USP16: variants seen among roughly 807,000 people sequenced by gnomAD.
The protein encoded by USP16 is ubiquitin carboxyl-terminal hydrolase 16.
Under a neutral mutation model 95.9 loss-of-function variants are expected in USP16, and 77 were observed. That is an observed-to-expected ratio of 0.80 (90% CI 0.67 to 0.97). The LOEUF is 0.97. USP16 is among the 50% of genes least tolerant of loss of function. The pLI is 0.00. For synonymous variants in USP16, 303 were observed against 318.2 expected, an observed-to-expected ratio of 0.95 and a Z score of 0.51; for missense variants, 943 against 959.9, an observed-to-expected ratio of 0.98 and a Z score of 0.23.
chr21:29,039,270 C>T (rs993978075), intron 8 of USP16, 114 bp downstream of exon 8: 4 of 1,167,634 alleles, frequency 3.4e-6, no homozygotes, highest in Admixed American at 3.8e-5. Context: ...AGTCAACCCT[C>T]TATATACAAA....
At position 29,053,840 on chromosome 21, in the gene USP16, A is replaced by G. The variant is rs1048445819; in HGVS notation, c.2232A>G (p.Leu744=). The G allele has an allele frequency of 8.7e-6, 14 of 1,613,858 alleles. No homozygotes were observed. In the African/African-American group the frequency reaches 1.2e-4, roughly 14 times the overall value. Residue 744 remains leucine, a synonymous_variant, in exon 17 of 18, where the codon TTA becomes TTG. Transcript: ENST00000399976. ...AEENTRVLYS[L]YGVVEHSGTM... is the part of the protein sequence containing the mutation. ...AAAATACAAGGGTACTCTATTCCTT[A>G]TATGGAGTTGTTGAACACAGTGGTA...
intron 9 of USP16, among the ~76,000 whole-genome samples, chr21:29,039,785 A>C (rs1403965942): frequency 6.6e-6 from 1 of 152,190 alleles, no homozygotes; most frequent in Non-Finnish European, 1.5e-5. Context: ...GCTTAAGTTT[A>C]GTTGATGTTT....
chr21:29,047,363 G>T (rs760357127), intron 14 of USP16, 42 bp downstream of exon 14: 6 of 1,561,060 alleles, frequency 3.8e-6, no homozygotes, highest in Admixed American at 1.9e-5. Context: ...AATATTCAGG[G>T]GCACATTTTG....
At chr21:29,053,527 A>G (rs530061576) in intron 16 of USP16, 20 of 323,444 alleles carry the variant, frequency 6.2e-5, no homozygotes, top group Admixed American at 5.8e-4. Context: ...GAAACTGGCA[A>G]GTTGAATTCA....
In USP16 at chr21:29,050,163, C is replaced by T; in HGVS notation, c.2178C>T (p.Cys726=). 1.2e-6 allele frequency: 2 copies of T among 1,613,286 alleles called. No individual in the cohort carries two copies. Among genetic ancestry groups the T allele is most frequent in the Non-Finnish European group, 1.7e-6 (2 of 1,179,874 alleles). ...AAATCTTAGATTTGGCTCCTTTTTG[C>T]ACCCTTAAATGTAAGGTAAGTCAAA... ...FPEILDLAPF[C]TLKCKNVAEE... The change falls in exon 16 of 18, where the codon TGC becomes TGT. Residue 726 remains cysteine (C), a synonymous_variant. Transcript: ENST00000399976.
chr21:29,050,644 G>GT (rs2085399436), intron 16 of USP16, among the ~76,000 whole-genome samples: 1 of 152,316 alleles, frequency 6.6e-6, no homozygotes, highest in Non-Finnish European at 1.5e-5. Flanking sequence ...AACAGCAGGA[G>GT]TAAAAACAGC....
Position 29,036,038 on chromosome 21 carries a change from C to T in USP16, c.345-233C>T, listed in dbSNP as rs570875896. Among the ~76,000 whole-genome samples, 4 of 152,206 alleles carry T rather than the reference C, an allele frequency of 2.6e-5. No homozygotes were observed. In the East Asian group the frequency reaches 5.8e-4, roughly 22 times the overall value. ...CAATGTTATAACCAGTAAAGTAAAA[C>T]GTTTGGAGTATTTCATCATACTACT... On this transcript the variant is annotated intron_variant, in intron 4 of 17. Transcript: ENST00000399976.
intron 3 of USP16, among the ~76,000 whole-genome samples, chr21:29,034,302 CT>C (rs575549987): frequency 0.2 from 26,952 of 136,234 alleles, 2,916 homozygotes; most frequent in African/African-American, 0.36. Context: ...GCATGGTTTT[CT>C]TTTTTTTTTT....
chr21:29,025,139 A>G (rs2084967590), intron 1 of USP16, among the ~76,000 whole-genome samples: 1 of 152,210 alleles, frequency 6.6e-6, no homozygotes, highest in South Asian at 2.1e-4. Flanking sequence ...CCGTGTTCAT[A>G]CGGCTGGTAG....
rs768595655 is a variant in USP16 at position 29,038,391 on chromosome 21, A to C, written c.693A>C (p.Gly231=). ...TACTAAAAGAAGTGAAAATGTCTGG[A>C]ACAATTGTAAAAATTGAACCACCTG... ...RELLKEVKMS[G]TIVKIEPPDL... The change falls in exon 7 of 18, where the codon GGA becomes GGC. Residue 231 remains glycine (G), a synonymous_variant. Transcript: ENST00000399976. 44 of 1,613,036 alleles carry C rather than the reference A, an allele frequency of 2.7e-5. No homozygotes were observed. Among genetic ancestry groups the C allele is most frequent in the Non-Finnish European group, 3.7e-5 (44 of 1,179,386 alleles).
Position 29,038,321 on chromosome 21 carries a change from A to T in USP16, c.637-14A>T, listed in dbSNP as rs1296970944. The T allele has an allele frequency of 1.3e-6, 2 of 1,550,364 alleles. No homozygotes were observed. The highest frequency in any genetic ancestry group is 1.8e-6 in the Non-Finnish European group (2 of 1,137,048). On this transcript the variant is annotated splice_polypyrimidine_tract_variant and intron_variant, in intron 6 of 17. Coordinates refer to ENST00000399976, the MANE Select transcript of USP16 (RefSeq NM_006447.3). Reference sequence around the variant, plus strand: ...TAAATAATTTTTCTCTTTTTTTTTCACCCTACATTCTAGAACTTGTCACAA... The same window carrying T: ...TAAATAATTTTTCTCTTTTTTTTTCTCCCTACATTCTAGAACTTGTCACAA...
Position 29,042,015 on chromosome 21 carries a change from T to A in USP16, c.1033T>A (p.Tyr345Asn). ...GATAGACTTTTTTTTCTCCATAGAT[T>A]ATGAGAAGAAAAAATCAATGCCAAG... is the stretch of plus-strand genomic sequence containing the variant. The part of the protein sequence containing the change: ...DEELKNKVKD[Y>N]EKKKSMPSFV... Residue 345 changes from tyrosine (Y) to asparagine (N), a missense_variant and splice_region_variant, in exon 11 of 18, where the codon TAT becomes AAT. By Grantham distance (143) the Tyr-to-Asn change is moderately radical. Transcript: ENST00000399976. 1 of 1,612,570 alleles carries A rather than the reference T, an allele frequency of 6.2e-7. No individual in the cohort carries two copies.
rs189117961 is a variant in USP16, at chr21:29,045,310, A to G, written c.1357-1357A>G. Among the ~76,000 whole-genome samples, 141 of 152,338 alleles carry G rather than the reference A, an allele frequency of 9.3e-4. 1 individual carries two copies. Among genetic ancestry groups the G allele is most frequent in the Admixed American group, 2.5e-3 (38 of 15,306 alleles). Reference sequence around the variant, plus strand: ...TGTTCTTTCAGTTCTTTCTGTTACAACCAGAAATGCCTTTGGGTTTTTAGG... The same window carrying G: ...TGTTCTTTCAGTTCTTTCTGTTACAGCCAGAAATGCCTTTGGGTTTTTAGG... On this transcript the variant is annotated intron_variant, in intron 13 of 17. Coordinates refer to ENST00000399976, the MANE Select transcript of USP16 (RefSeq NM_006447.3).
At chr21:29,024,981 C>A in intron 1 of USP16, 2 of 448,474 alleles carry the variant, frequency 4.5e-6, no homozygotes, top group Non-Finnish European at 7.0e-6. Flanking sequence ...CCGCTGCTGG[C>A]GGCCTTCTCG....
intron 1 of USP16, 89 bp downstream of exon 1, chr21:29,024,866 C>G: frequency 1.7e-6 from 2 of 1,190,238 alleles, no homozygotes; most frequent in Non-Finnish European, 2.1e-6. Context: ...ACTTCGTTCT[C>G]TTCTTGAAGG....
chr21:29,037,548 G>T, intron 6 of USP16, 85 bp downstream of exon 6: 10 of 783,936 alleles, frequency 1.3e-5, no homozygotes, highest in South Asian at 6.2e-5. Context: ...TTTTCCACCT[G>T]AGTAATTTAT....
In USP16 at chr21:29,046,833, A is replaced by G. The variant is rs1260802044; in HGVS notation, c.1523A>G (p.Tyr508Cys). 6.2e-7 allele frequency: 1 copy of G among 1,614,186 alleles called. No homozygotes were observed. Among genetic ancestry groups the G allele is most frequent in the East Asian group, 2.2e-5 (1 of 44,864 alleles). Residue 508 changes from tyrosine to cysteine, a missense_variant, in exon 14 of 18, where the codon TAT becomes TGT. By Grantham distance (194) the Tyr-to-Cys change is radical. Coordinates refer to ENST00000399976, the MANE Select transcript of USP16 (RefSeq NM_006447.3). ...CAAGAGGGTGTTATGCATAAAGAAT[A>G]TTGTGTCAACCAGAAAGATTTGAAT... Reference protein sequence around the residue: ...ISQEGVMHKEYCVNQKDLNGQ... With the variant: ...ISQEGVMHKECCVNQKDLNGQ...
chr21:29,043,241 A>C, intron 12 of USP16, 182 bp from the exon 13 acceptor site: 1 of 378,654 alleles, frequency 2.6e-6, no homozygotes. Flanking sequence ...TTTTCTCATT[A>C]TGTGAAGATT....
At chr21:29,037,846 A>G (rs2085185035) in intron 6 of USP16, among the ~76,000 whole-genome samples, 1 of 150,818 alleles carries the variant, frequency 6.6e-6, no homozygotes. Context: ...TTGGCCACCC[A>G]AAGTGTTTGG....
Sources: gnomAD v4.1 joint callset for allele counts (sites outside exome capture counted in the v4.1 genomes callset) on GRCh38, gnomAD v4.1.1 for gene constraint, MANE v1.5 for transcripts, NCBI Gene and HGNC (gene_info 2026-07-23, HGNC 2026-07-21) for gene names.